Variants in ZSCAN4 observed in about 807,000 individuals in gnomAD.
ZSCAN4 encodes zinc finger and SCAN domain containing 4, also known as zinc finger and SCAN domain-containing protein 4.
In ZSCAN4, 18 loss-of-function variants were observed where a neutral mutation model predicts 18.3. The observed-to-expected ratio is 0.98, with a 90% CI of 0.68 to 1.46. The LOEUF is 1.46. Among genes scored for constraint, ZSCAN4 ranks in the 40% most tolerant of loss-of-function variants. ZSCAN4 has a pLI of 0.00. For synonymous variants in ZSCAN4, 193 were observed against 180.3 expected (o/e 1.07, Z -0.57); for missense variants, 498 against 511.4 (o/e 0.97, Z 0.25).
exon 5 of ZSCAN4, chr19:57,678,616 G>T: frequency 6.2e-7 from 1 of 1,614,036 alleles, no homozygotes; most frequent in Non-Finnish European, 8.5e-7. Flanking sequence ...AGGAATGAGA[G>T]GCCATTTGTT....
the ZSCAN4 span, among the ~76,000 whole-genome samples, chr19:57,654,867 G>A: frequency 5.3e-5 from 8 of 152,120 alleles, no homozygotes; most frequent in East Asian, 1.5e-3. Context: ...GGCTGGAATA[G>A]CCCCTGCTTA....
At chr19:57,671,871 TTAAC>T (rs879587105) in intron 2 of ZSCAN4, among the ~76,000 whole-genome samples, 3 of 152,202 alleles carry the variant, frequency 2.0e-5, no homozygotes, top group Admixed American at 1.3e-4. Context: ...GGAAATAACA[TTAAC>T]TAACAGAAAT....
chr19:57,672,179 AG>A (rs1257369237), intron 2 of ZSCAN4, among the ~76,000 whole-genome samples: 2 of 152,212 alleles, frequency 1.3e-5, no homozygotes, highest in African/African-American at 4.8e-5. Context: ...TCAGTAGGAA[AG>A]GACAGGGAGT....
chr19:57,659,293 ACTAAGT>A, the ZSCAN4 span, among the ~76,000 whole-genome samples: 8 of 152,158 alleles, frequency 5.3e-5, no homozygotes, highest in Non-Finnish European at 7.3e-5. Context: ...GTTTCTATCA[ACTAAGT>A]CTAAGTTCCA....
At chr19:57,660,867 G>A in the ZSCAN4 span, among the ~76,000 whole-genome samples, 1 of 151,992 alleles carries the variant, frequency 6.6e-6, no homozygotes, top group African/African-American at 2.4e-5. Context: ...ACCTCCCCTG[G>A]CCCCCAGTGT....
At chr19:57,651,521 C>A in the ZSCAN4 span, among the ~76,000 whole-genome samples, 1 of 152,188 alleles carries the variant, frequency 6.6e-6, no homozygotes, top group African/African-American at 2.4e-5. Flanking sequence ...CTATAATTAC[C>A]CCAATCTGTA....
chr19:57,659,308 C>T, the ZSCAN4 span, among the ~76,000 whole-genome samples: 1 of 152,138 alleles, frequency 6.6e-6, no homozygotes, highest in Admixed American at 6.6e-5. Context: ...GTCTAAGTTC[C>T]ATGTAGGCAA....
chr19:57,672,648 G>A (rs1216787199), intron 2 of ZSCAN4, among the ~76,000 whole-genome samples: 2 of 147,968 alleles, frequency 1.4e-5, no homozygotes, highest in Non-Finnish European at 3.0e-5. Context: ...TGTCACCTAA[G>A]CTGGAGTACA....
the ZSCAN4 span, among the ~76,000 whole-genome samples, chr19:57,659,931 A>G: frequency 6.6e-6 from 1 of 152,216 alleles, no homozygotes; most frequent in Non-Finnish European, 1.5e-5. Context: ...TAGTTTCAGT[A>G]ATATACACAA....
the ZSCAN4 span, among the ~76,000 whole-genome samples, chr19:57,661,249 C>G: frequency 2.0e-5 from 3 of 152,110 alleles, no homozygotes; most frequent in Admixed American, 6.6e-5. Flanking sequence ...CTCCTTCTTC[C>G]ACAACCTCAA....
upstream of ZSCAN4, chr19:57,664,801 C>A: frequency 4.9e-6 from 1 of 204,980 alleles, no homozygotes. Context: ...TTTCATACAA[C>A]ACGCTATGGC....
the ZSCAN4 span, among the ~76,000 whole-genome samples, chr19:57,656,937 T>C: frequency 1.3e-5 from 2 of 151,978 alleles, no homozygotes; most frequent in East Asian, 1.9e-4. Context: ...CAGTGAGCTA[T>C]GATCAAATCA....
intron 2 of ZSCAN4, among the ~76,000 whole-genome samples, chr19:57,675,306 C>G (rs951230956): frequency 2.0e-5 from 3 of 151,932 alleles, no homozygotes; most frequent in Non-Finnish European, 4.4e-5. Context: ...TGCCATCATG[C>G]CTGGCTGATT....
chr19:57,679,034 G>A (rs559404449), exon 5 of ZSCAN4: 6 of 1,156,860 alleles, frequency 5.2e-6, no homozygotes, highest in African/African-American at 1.6e-5. Context: ...TCATTAAAAT[G>A]TAAGGCTAAG....
chr19:57,651,611 T>G, the ZSCAN4 span, among the ~76,000 whole-genome samples: 2 of 152,142 alleles, frequency 1.3e-5, no homozygotes, highest in Non-Finnish European at 2.9e-5. Context: ...CATAGAGCCA[T>G]CTCCATTCCG....
chr19:57,659,362 A>C, the ZSCAN4 span, among the ~76,000 whole-genome samples: 15 of 152,004 alleles, frequency 9.9e-5, no homozygotes, highest in African/African-American at 3.4e-4. Context: ...ATATAATGAA[A>C]AAATGACCTG....
At chr19:57,665,332 C>A (rs954454092), upstream of ZSCAN4, among the ~76,000 whole-genome samples, 14 of 152,050 alleles carry the variant, frequency 9.2e-5, no homozygotes, top group Non-Finnish European at 1.3e-4. Context: ...TGGCTTCTGG[C>A]GGTTCTTCCC....
chr19:57,667,137 T>C (rs12983596), upstream of ZSCAN4, among the ~76,000 whole-genome samples: 50,120 of 152,094 alleles, frequency 0.33, 8,737 homozygotes, highest in Non-Finnish European at 0.39. Flanking sequence ...GTAATATCCT[T>C]ATTTGATTAA....
chr19:57,659,731 C>A, the ZSCAN4 span, among the ~76,000 whole-genome samples: 3 of 152,158 alleles, frequency 2.0e-5, no homozygotes, highest in East Asian at 1.9e-4. Flanking sequence ...GCTACCAAAA[C>A]CTTCAAAGCG....
Sources: allele counts gnomAD v4.1 joint callset (sites outside exome capture counted in the v4.1 genomes callset), GRCh38; gene constraint gnomAD v4.1.1; transcripts MANE v1.5; gene names NCBI Gene and HGNC (gene_info 2026-07-23, HGNC 2026-07-21).